The following KAT6B variants were observed in gnomAD, a reference collection of about 807,000 sequenced individuals.
KAT6B encodes the protein lysine acetyltransferase 6B, also known as histone acetyltransferase KAT6B.
A neutral mutation model predicts 187.5 loss-of-function variants in KAT6B; 10 were observed. That is an observed-to-expected ratio of 0.05 (90% confidence interval 0.03 to 0.09). KAT6B has a LOEUF of 0.09. Ranked by LOEUF, KAT6B falls within the 10% of genes least tolerant of loss-of-function variation. KAT6B has a pLI of 1.00. For synonymous variants in KAT6B, 861 were observed against 926.8 expected (o/e 0.93, Z 1.29); for missense variants, 1,952 against 2,558.9 (o/e 0.76, Z 5.12).
intron 7 of KAT6B, among the ~76,000 whole-genome samples, chr10:74,973,813 A>G (rs1046145727): frequency 6.6e-6 from 1 of 152,186 alleles, no homozygotes; most frequent in Non-Finnish European, 1.5e-5. Flanking sequence ...AGTAGAAATT[A>G]TATGTTTTTG....
At chr10:74,913,765 A>G (rs983415358) in intron 3 of KAT6B, among the ~76,000 whole-genome samples, 1 of 152,160 alleles carries the variant, frequency 6.6e-6, no homozygotes, top group Non-Finnish European at 1.5e-5. Flanking sequence ...CCAGGAGTAA[A>G]CCGCCCTGCA....
chr10:74,929,016 T>G (rs1326252903), intron 3 of KAT6B, among the ~76,000 whole-genome samples: 1 of 152,198 alleles, frequency 6.6e-6, no homozygotes, highest in Non-Finnish European at 1.5e-5. Context: ...GTTTAGTGAT[T>G]TATAATTAAT....
intron 13 of KAT6B, among the ~76,000 whole-genome samples, chr10:75,013,110 G>C (rs1232749701): frequency 6.6e-6 from 1 of 152,084 alleles, no homozygotes; most frequent in Non-Finnish European, 1.5e-5. Context: ...GGTTTCACTG[G>C]GTCAGGCCAT....
At chr10:75,026,816 G>T (rs537640005) in intron 17 of KAT6B, among the ~76,000 whole-genome samples, 1 of 152,028 alleles carries the variant, frequency 6.6e-6, no homozygotes, top group African/African-American at 2.4e-5. Context: ...ACAAAAGCCG[G>T]TAGGTCCAGT....
chr10:74,998,937 A>G (rs930705543), intron 13 of KAT6B, among the ~76,000 whole-genome samples: 4 of 152,198 alleles, frequency 2.6e-5, no homozygotes, highest in Non-Finnish European at 5.9e-5. Context: ...CTTAAAAAAA[A>G]TTATCTGGGA....
chr10:75,024,898 T>G, intron 16 of KAT6B, 60 bp from the exon 17 acceptor site: 1 of 1,510,722 alleles, frequency 6.6e-7, no homozygotes, highest in Non-Finnish European at 9.2e-7. Context: ...CTACTGCATA[T>G]CGACTCAACC....
rs751666297 is a variant in KAT6B, at chr10:74,843,064, C to T, written c.207C>T (p.Ala69=). Residue 69 remains alanine, a synonymous_variant, in exon 3 of 18, where the codon GCC becomes GCT. Coordinates refer to ENST00000287239, the MANE Select transcript of KAT6B (RefSeq NM_012330.4). ...SVLKVTNKGL[A]SYKDPDNPGR... ...TCAAAGTCACCAACAAAGGCCTTGC[C>T]TCCTATAAGGACCCAGACAACCCTG... The T allele has an allele frequency of 6.2e-7, 1 of 1,614,194 alleles. No homozygotes were observed. The highest frequency in any genetic ancestry group is 1.7e-5 in the Admixed American group (1 of 60,018).
chr10:74,922,679 A>G lies in KAT6B; in HGVS notation c.622-37291A>G, dbSNP rs117595313. On this transcript the variant is annotated intron_variant, in intron 3 of 17. Coordinates refer to ENST00000287239, the MANE Select transcript of KAT6B (RefSeq NM_012330.4). ...GATTCTAATGTGACTTCAGTTTTTA[A>G]CTTACATAGCGTTAAGCAAAAGGAT... 6.6e-4 allele frequency among the ~76,000 whole-genome samples: 101 copies of G among 152,276 alleles called. 2 individuals carry two copies. In the East Asian group the frequency reaches 0.017, roughly 25 times the overall value.
intron 4 of KAT6B, 50 bp downstream of exon 4, chr10:74,960,128 G>A: frequency 9.0e-7 from 1 of 1,108,996 alleles, no homozygotes. Flanking sequence ...CATTATCATA[G>A]CTTCATGCTA....
chr10:75,021,367 G>A (rs1435797823), intron 15 of KAT6B, 82 bp downstream of exon 15: 1 of 1,453,318 alleles, frequency 6.9e-7, no homozygotes, highest in African/African-American at 1.4e-5. Context: ...TAAGATCGTT[G>A]TCAAAAGCTT....
chr10:74,863,279 T>C (rs745638389), intron 3 of KAT6B, among the ~76,000 whole-genome samples: 2 of 152,228 alleles, frequency 1.3e-5, no homozygotes, highest in Non-Finnish European at 2.9e-5. Context: ...TCTTCCTTTC[T>C]AAATTTAAAA....
intron 3 of KAT6B, among the ~76,000 whole-genome samples, chr10:74,927,955 C>T (rs879865623): frequency 1.6e-4 from 25 of 152,096 alleles, no homozygotes; most frequent in Admixed American, 2.0e-4. Flanking sequence ...CTGAACTCAT[C>T]AACAAAAAGT....
At chr10:74,919,819 T>G (rs1458794606) in intron 3 of KAT6B, among the ~76,000 whole-genome samples, 1 of 152,246 alleles carries the variant, frequency 6.6e-6, no homozygotes, top group South Asian at 2.1e-4. Flanking sequence ...TTCTGAGCTG[T>G]ACTCAGTTTA....
chr10:74,955,919 GC>G (rs947669094), intron 3 of KAT6B, among the ~76,000 whole-genome samples: 1 of 151,966 alleles, frequency 6.6e-6, no homozygotes, highest in African/African-American at 2.4e-5. Flanking sequence ...AATTGGTCCT[GC>G]CCCCTGCCTC....
intron 1 of KAT6B, among the ~76,000 whole-genome samples, chr10:74,830,754 A>ATATATATATATATATATG (rs1564891963): frequency 2.9e-4 from 7 of 24,356 alleles, no homozygotes; most frequent in African/African-American, 2.0e-3. Context: ...ATATATATAT[A>ATATATATATATATATATG]TATATATATA....
At chr10:74,964,961 C>T (rs1230520286) in intron 4 of KAT6B, among the ~76,000 whole-genome samples, 2 of 152,200 alleles carry the variant, frequency 1.3e-5, no homozygotes, top group Non-Finnish European at 2.9e-5. Context: ...TTATAATGAC[C>T]TCAATCTAGG....
intron 13 of KAT6B, among the ~76,000 whole-genome samples, chr10:74,989,716 G>T (rs1466811546): frequency 6.6e-6 from 1 of 151,796 alleles, no homozygotes; most frequent in Admixed American, 6.6e-5. Context: ...GTTAAAACCG[G>T]CATAATATAT....
At chr10:74,834,875 A>G (rs1361848125) in intron 1 of KAT6B, among the ~76,000 whole-genome samples, 37 of 152,196 alleles carry the variant, frequency 2.4e-4, no homozygotes, top group Non-Finnish European at 2.9e-5. Context: ...AGGCACATGG[A>G]CTTGGTGTCC....
chr10:74,973,655 TA>T (rs1189375475), intron 7 of KAT6B, among the ~76,000 whole-genome samples: 9 of 152,180 alleles, frequency 5.9e-5, no homozygotes, highest in African/African-American at 2.2e-4. Flanking sequence ...TAAGAAGAAG[TA>T]AGAAATGCAG....
Sources: allele counts gnomAD v4.1 joint callset (sites outside exome capture counted in the v4.1 genomes callset), GRCh38; gene constraint gnomAD v4.1.1; transcripts MANE v1.5; gene names NCBI Gene and HGNC (gene_info 2026-07-23, HGNC 2026-07-21).